The following EPB41L2 variants were observed in gnomAD, a reference collection of about 807,000 sequenced individuals.
EPB41L2 encodes band 4.1-like protein 2.
In EPB41L2, 43 loss-of-function variants were observed where a neutral mutation model predicts 113.0. The ratio of observed to expected loss-of-function variants is 0.38; its 90% CI spans 0.30 to 0.49. The LOEUF (loss-of-function observed/expected upper bound fraction) is 0.49. Ranked by LOEUF, EPB41L2 falls within the 20% of genes least tolerant of loss-of-function variation. The probability of loss-of-function intolerance (pLI) is 0.95; values close to 1 mark genes in which losing one functional copy is unlikely to be tolerated. For synonymous variants in EPB41L2, 442 were observed against 436.7 expected (o/e 1.01, Z -0.15); for missense variants, 1,147 against 1,223.4 (o/e 0.94, Z 0.93).
intron 19 of EPB41L2, among the ~76,000 whole-genome samples, chr6:130,842,476 C>T (rs551086355): frequency 6.6e-6 from 1 of 152,076 alleles, no homozygotes; most frequent in African/African-American, 2.4e-5. Context: ...TTTCCATTTG[C>T]TTTGTTTAGT....
At chr6:131,005,568 T>C (rs149121338) in intron 1 of EPB41L2, among the ~76,000 whole-genome samples, 1 of 152,340 alleles carries the variant, frequency 6.6e-6, no homozygotes, top group African/African-American at 2.4e-5. Flanking sequence ...TATAATGTAT[T>C]CCAAATGTAA....
At chr6:130,991,985 TC>T (rs1781980921) in intron 1 of EPB41L2, among the ~76,000 whole-genome samples, 1 of 151,928 alleles carries the variant, frequency 6.6e-6, no homozygotes, top group African/African-American at 2.4e-5. Context: ...GAGTGATACT[TC>T]CTGGAAGTTT....
intron 18 of EPB41L2, among the ~76,000 whole-genome samples, chr6:130,861,653 C>G (rs1782109928): frequency 6.6e-6 from 1 of 151,996 alleles, no homozygotes; most frequent in African/African-American, 2.4e-5. Context: ...GTGTGGATAA[C>G]CTGAGGTCAG....
intron 19 of EPB41L2, among the ~76,000 whole-genome samples, chr6:130,854,842 G>A (rs1465324944): frequency 1.3e-5 from 2 of 152,134 alleles, no homozygotes; most frequent in African/African-American, 4.8e-5. Context: ...TCAGCCTTCT[G>A]ACTCCTAAGT....
intron 3 of EPB41L2, among the ~76,000 whole-genome samples, chr6:130,929,901 A>ACACACACACACG (rs1257872956): frequency 1.3e-5 from 2 of 148,974 alleles, no homozygotes; most frequent in Non-Finnish European, 1.5e-5. Context: ...ACACACATAC[A>ACACACACACACG]CGCACAGTCA....
At chr6:131,026,630 A>G (rs906605739) in intron 1 of EPB41L2, among the ~76,000 whole-genome samples, 1 of 152,050 alleles carries the variant, frequency 6.6e-6, no homozygotes, top group African/African-American at 2.4e-5. Flanking sequence ...GTACCAATAA[A>G]CCCATCTTTC....
intron 8 of EPB41L2, among the ~76,000 whole-genome samples, chr6:130,895,683 G>C (rs1429588986): frequency 6.6e-6 from 1 of 152,158 alleles, no homozygotes; most frequent in Non-Finnish European, 1.5e-5. Context: ...CTTTCAAGCA[G>C]TTTTTCATTA....
intron 1 of EPB41L2, among the ~76,000 whole-genome samples, chr6:131,028,433 C>G (rs577510056): frequency 1.4e-4 from 22 of 152,156 alleles, no homozygotes; most frequent in Admixed American, 1.1e-3. Context: ...GTCTGGTGCT[C>G]GGGACATACT....
intron 1 of EPB41L2, among the ~76,000 whole-genome samples, chr6:131,045,289 T>C (rs1480519763): frequency 2.7e-5 from 3 of 111,242 alleles, no homozygotes; most frequent in Admixed American, 1.8e-4. Flanking sequence ...AAATAATCCA[T>C]TACAGCCCAC....
At chr6:130,918,883 T>C (rs985971201) in intron 4 of EPB41L2, among the ~76,000 whole-genome samples, 3 of 152,180 alleles carry the variant, frequency 2.0e-5, no homozygotes, top group African/African-American at 7.2e-5. Flanking sequence ...GCAGGACTGA[T>C]TGAGCTGAGT....
At chr6:130,937,719 T>C (rs1259206442) in intron 3 of EPB41L2, among the ~76,000 whole-genome samples, 1 of 151,490 alleles carries the variant, frequency 6.6e-6, no homozygotes, top group Non-Finnish European at 1.5e-5. Context: ...CTCGGGAGGC[T>C]GAGGCAGAAT....
chr6:130,953,916 G>T, intron 3 of EPB41L2, among the ~76,000 whole-genome samples: 1 of 151,896 alleles, frequency 6.6e-6, no homozygotes, highest in Non-Finnish European at 1.5e-5. Flanking sequence ...CTAGCCTCCA[G>T]AGCTGTGGGC....
At chr6:131,026,454 T>G (rs1170085713) in intron 1 of EPB41L2, among the ~76,000 whole-genome samples, 1 of 152,228 alleles carries the variant, frequency 6.6e-6, no homozygotes, top group Non-Finnish European at 1.5e-5. Flanking sequence ...TTTCAGTTTT[T>G]GTTTTTCTTG....
At chr6:130,994,685 C>T (rs939828948) in intron 1 of EPB41L2, among the ~76,000 whole-genome samples, 3 of 152,236 alleles carry the variant, frequency 2.0e-5, no homozygotes, top group Non-Finnish European at 4.4e-5. Flanking sequence ...ATATATTATA[C>T]TTAAACATAT....
chr6:130,969,070 T>C (rs1476842889), intron 1 of EPB41L2, among the ~76,000 whole-genome samples: 2 of 152,172 alleles, frequency 1.3e-5, no homozygotes, highest in Non-Finnish European at 2.9e-5. Context: ...ATCACCAATA[T>C]ATTATATCAT....
At chr6:131,027,598 T>A (rs1462268046) in intron 1 of EPB41L2, among the ~76,000 whole-genome samples, 2 of 152,188 alleles carry the variant, frequency 1.3e-5, no homozygotes, top group Non-Finnish European at 1.5e-5. Flanking sequence ...TGATTAATAG[T>A]GGCACCAGGA....
At chr6:131,045,729 T>A (rs960336433) in intron 1 of EPB41L2, among the ~76,000 whole-genome samples, 1 of 152,220 alleles carries the variant, frequency 6.6e-6, no homozygotes, top group African/African-American at 2.4e-5. Context: ...GGTTTCCCTA[T>A]AAACTTCTGT....
At chr6:130,892,950 G>A (rs753000429) in intron 10 of EPB41L2, among the ~76,000 whole-genome samples, 1 of 152,124 alleles carries the variant, frequency 6.6e-6, no homozygotes, top group Non-Finnish European at 1.5e-5. Context: ...TAGACCATAA[G>A]TCCAGAGCAA....
At chr6:130,882,736 A>G (rs1173613848) in intron 12 of EPB41L2, 1 of 152,874 alleles carries the variant, frequency 6.5e-6, no homozygotes, top group Non-Finnish European at 1.5e-5. Flanking sequence ...AGTGCTGCAC[A>G]CCAGCGGGGA....
Sources: gnomAD v4.1 joint callset for allele counts (sites outside exome capture counted in the v4.1 genomes callset) on GRCh38, gnomAD v4.1.1 for gene constraint, MANE v1.5 for transcripts, NCBI Gene and HGNC (gene_info 2026-07-23, HGNC 2026-07-21) for gene names.